Variants in AP3B1 observed in about 807,000 individuals in gnomAD.
The protein encoded by AP3B1 is adaptor related protein complex 3 subunit beta 1.
A neutral mutation model predicts 132.5 loss-of-function variants in AP3B1; 61 were observed. That is an observed-to-expected ratio of 0.46 (90% CI 0.37 to 0.57). The LOEUF (loss-of-function observed/expected upper bound fraction) is 0.57, where lower values mean the gene tolerates loss of function less well. Ranked by LOEUF, AP3B1 falls within the 20% of genes least tolerant of loss-of-function variation. The pLI, the probability that AP3B1 is intolerant of heterozygous loss-of-function variation, is 0.00. For missense variants in AP3B1, 1,120 were observed against 1,289.4 expected (o/e 0.87, Z 2.01); for synonymous variants, 388 against 438.3 (o/e 0.89, Z 1.43).
intron 26 of AP3B1, among the ~76,000 whole-genome samples, chr5:78,013,940 G>A (rs1400038423): frequency 2.0e-5 from 3 of 152,118 alleles, no homozygotes; most frequent in African/African-American, 7.2e-5. Context: ...GAGACGGGTG[G>A]ATCATGAGGT....
chr5:78,050,444 A>G (rs1374928455), intron 22 of AP3B1, among the ~76,000 whole-genome samples: 1 of 152,192 alleles, frequency 6.6e-6, no homozygotes, highest in East Asian at 1.9e-4. Flanking sequence ...AGTGTTGGTC[A>G]TAACTATACA....
intron 7 of AP3B1, among the ~76,000 whole-genome samples, chr5:78,187,671 T>C (rs532230656): frequency 1.3e-5 from 2 of 152,356 alleles, no homozygotes; most frequent in South Asian, 2.1e-4. Flanking sequence ...AAGCAATTTA[T>C]AGATTCAATG....
At chr5:78,186,627 C>T (rs1190312941) in intron 7 of AP3B1, among the ~76,000 whole-genome samples, 1 of 152,060 alleles carries the variant, frequency 6.6e-6, no homozygotes, top group Non-Finnish European at 1.5e-5. Flanking sequence ...TCAATTATTT[C>T]TTAAAATTTC....
intron 7 of AP3B1, among the ~76,000 whole-genome samples, chr5:78,195,485 T>G: frequency 6.6e-6 from 1 of 151,910 alleles, no homozygotes; most frequent in African/African-American, 2.4e-5. Context: ...GACAATACGA[T>G]GGAGAAAAGA....
At chr5:78,083,362 A>G (rs978073361) in intron 22 of AP3B1, among the ~76,000 whole-genome samples, 1 of 152,256 alleles carries the variant, frequency 6.6e-6, no homozygotes, top group Non-Finnish European at 1.5e-5. Context: ...AAAGTAATTT[A>G]AAGCACAACA....
intron 15 of AP3B1, among the ~76,000 whole-genome samples, chr5:78,131,019 T>C (rs2112304745): frequency 6.6e-6 from 1 of 151,930 alleles, no homozygotes; most frequent in African/African-American, 2.4e-5. Context: ...AAAATTTTTA[T>C]TGACTGTAAA....
At chr5:78,011,906 T>A (rs1420762361) in intron 26 of AP3B1, among the ~76,000 whole-genome samples, 1 of 152,104 alleles carries the variant, frequency 6.6e-6, no homozygotes, top group African/African-American at 2.4e-5. Flanking sequence ...AAAGAAAAGA[T>A]CCTGAAAAAT....
intron 24 of AP3B1, among the ~76,000 whole-genome samples, chr5:78,024,126 G>C (rs766721325): frequency 1.3e-5 from 2 of 152,068 alleles, no homozygotes; most frequent in African/African-American, 4.8e-5. Flanking sequence ...TAGGCTACTC[G>C]AAGAATGAGA....
chr5:78,002,448 T>C lies in AP3B1; in HGVS notation c.*454A>G. On this transcript the variant is annotated 3_prime_UTR_variant, in exon 27 of 27. Transcript: ENST00000255194. ...CAAAATCTTGCAGAGACTATGCTTTTGTATTTGGATTTAAAAAGTATGTGA... is the reference window on the plus strand; with the variant it reads ...CAAAATCTTGCAGAGACTATGCTTTCGTATTTGGATTTAAAAAGTATGTGA... 2.4e-6 allele frequency: 1 copy of C among 413,138 alleles called. No homozygotes were observed. Among genetic ancestry groups the C allele is most frequent in the Non-Finnish European group, 4.3e-6 (1 of 235,030 alleles). The allele number at this position is 413,138 out of a possible 1,614,324, so 25.6% of individuals were successfully genotyped here.
intron 1 of AP3B1, among the ~76,000 whole-genome samples, chr5:78,293,719 C>G (rs1037123544): frequency 6.6e-6 from 1 of 151,040 alleles, no homozygotes; most frequent in African/African-American, 2.4e-5. Flanking sequence ...AACCCACCCC[C>G]CAAAACAAAC....
chr5:78,021,927 T>C (rs1016736345), intron 24 of AP3B1, among the ~76,000 whole-genome samples: 2 of 152,098 alleles, frequency 1.3e-5, no homozygotes, highest in African/African-American at 4.8e-5. Flanking sequence ...ACCTTCATGT[T>C]AGAACTGGAT....
At chr5:78,266,696 A>G (rs1748336636) in intron 2 of AP3B1, among the ~76,000 whole-genome samples, 1 of 152,200 alleles carries the variant, frequency 6.6e-6, no homozygotes, top group South Asian at 2.1e-4. Context: ...GTGGTGATAA[A>G]AAGGATAGTG....
chr5:78,201,106 A>C (rs776219597), intron 7 of AP3B1, among the ~76,000 whole-genome samples: 3 of 152,134 alleles, frequency 2.0e-5, no homozygotes, highest in Non-Finnish European at 4.4e-5. Context: ...ACCTGCCAAC[A>C]CCTTGAGATC....
At chr5:78,233,884 C>T (rs955687871) in intron 3 of AP3B1, among the ~76,000 whole-genome samples, 3 of 151,984 alleles carry the variant, frequency 2.0e-5, no homozygotes, top group South Asian at 2.1e-4. Flanking sequence ...GATGGCAGTC[C>T]GCAGATATTT....
intron 22 of AP3B1, among the ~76,000 whole-genome samples, chr5:78,077,499 T>C (rs1434614518): frequency 6.6e-6 from 1 of 152,186 alleles, no homozygotes; most frequent in Non-Finnish European, 1.5e-5. Flanking sequence ...CACAAAAAGA[T>C]TGGAAAACAA....
chr5:78,193,664 TTATA>T (rs1355902777), intron 7 of AP3B1, among the ~76,000 whole-genome samples: 2 of 146,400 alleles, frequency 1.4e-5, no homozygotes, highest in East Asian at 2.0e-4. Flanking sequence ...ATATACATAT[TTATA>T]TATATTTATA....
intron 3 of AP3B1, among the ~76,000 whole-genome samples, chr5:78,237,901 T>C (rs928030794): frequency 6.6e-6 from 1 of 152,242 alleles, no homozygotes; most frequent in African/African-American, 2.4e-5. Flanking sequence ...AATGCGTCGT[T>C]GGACAATTTC....
chr5:78,073,499 T>C (rs905769178), intron 22 of AP3B1, among the ~76,000 whole-genome samples: 1 of 152,192 alleles, frequency 6.6e-6, no homozygotes, highest in Non-Finnish European at 1.5e-5. Context: ...TAGCAATTCA[T>C]AGTCACACAA....
intron 17 of AP3B1, among the ~76,000 whole-genome samples, chr5:78,127,381 TTC>T (rs1407161998): frequency 6.6e-6 from 1 of 152,206 alleles, no homozygotes; most frequent in Admixed American, 6.5e-5. Flanking sequence ...CTCTCACTTT[TTC>T]TTGTATATAT....
Sources: gnomAD v4.1 joint callset for allele counts (sites outside exome capture counted in the v4.1 genomes callset) on GRCh38, gnomAD v4.1.1 for gene constraint, MANE v1.5 for transcripts, NCBI Gene and HGNC (gene_info 2026-07-23, HGNC 2026-07-21) for gene names.